Variants in TRAPPC9 observed in about 807,000 individuals in gnomAD.
TRAPPC9 encodes the protein trafficking protein particle complex subunit 9, also known as IKK2 binding protein.
A neutral mutation model predicts 124.0 loss-of-function variants in TRAPPC9; 83 were observed. The observed-to-expected ratio is 0.67, with a 90% CI of 0.56 to 0.80. TRAPPC9 has a LOEUF of 0.80. Among genes scored for constraint, TRAPPC9 ranks in the 30% least tolerant of loss-of-function variants. The pLI is 0.00. For missense variants in TRAPPC9, 1,302 were observed against 1,508.3 expected (o/e 0.86, Z 2.27); for synonymous variants, 638 against 617.5 (o/e 1.03, Z -0.49).
intron 21 of TRAPPC9, among the ~76,000 whole-genome samples, chr8:139,856,811 G>A (rs930061176): frequency 2.0e-5 from 3 of 151,764 alleles, no homozygotes; most frequent in African/African-American, 7.3e-5. Context: ...CAGTGAGGTG[G>A]AAGGAGAACG....
intron 15 of TRAPPC9, among the ~76,000 whole-genome samples, chr8:140,259,859 A>G (rs1456432394): frequency 6.6e-6 from 1 of 152,244 alleles, no homozygotes; most frequent in Non-Finnish European, 1.5e-5. Context: ...ACAGTGCATG[A>G]GGCAGAACAC....
intron 16 of TRAPPC9, chr8:140,238,625 A>C (rs959584455): frequency 6.6e-6 from 1 of 152,234 alleles, no homozygotes; most frequent in East Asian, 1.9e-4. Flanking sequence ...CACAAAACAA[A>C]AGTAGCGCAT....
intron 9 of TRAPPC9, among the ~76,000 whole-genome samples, chr8:140,342,801 A>C (rs1321944218): frequency 1.3e-5 from 2 of 152,250 alleles, no homozygotes. Context: ...AATACAAAAA[A>C]TCATGTCATT....
At chr8:139,970,070 G>A (rs1288309559) in intron 19 of TRAPPC9, among the ~76,000 whole-genome samples, 2 of 152,186 alleles carry the variant, frequency 1.3e-5, no homozygotes, top group Non-Finnish European at 2.9e-5. Context: ...AAACAGCCTG[G>A]TCATAAACCA....
At chr8:140,309,421 G>C (rs552465210) in intron 10 of TRAPPC9, among the ~76,000 whole-genome samples, 3 of 152,288 alleles carry the variant, frequency 2.0e-5, no homozygotes, top group South Asian at 2.1e-4. Context: ...TTAACTCCAG[G>C]GCTGCCTGGC....
chr8:139,795,919 A>G (rs2065008125), intron 21 of TRAPPC9, among the ~76,000 whole-genome samples: 1 of 152,156 alleles, frequency 6.6e-6, no homozygotes, highest in East Asian at 1.9e-4. Flanking sequence ...GAACAAACAC[A>G]ACACAGGAGA....
At chr8:140,032,601 T>C (rs1840566844) in intron 17 of TRAPPC9, among the ~76,000 whole-genome samples, 1 of 152,200 alleles carries the variant, frequency 6.6e-6, no homozygotes, top group South Asian at 2.1e-4. Context: ...CATTCCATGG[T>C]ACAGATATGC....
intron 17 of TRAPPC9, among the ~76,000 whole-genome samples, chr8:140,205,240 A>G (rs2062893264): frequency 6.6e-6 from 1 of 152,268 alleles, no homozygotes; most frequent in Admixed American, 6.5e-5. Flanking sequence ...AAGATTACCA[A>G]AAGCATGGAT....
intron 21 of TRAPPC9, among the ~76,000 whole-genome samples, chr8:139,877,066 G>T (rs1382670088): frequency 1.3e-5 from 2 of 152,206 alleles, no homozygotes. Context: ...GGATTTGCTT[G>T]GTGATTAGTT....
intron 21 of TRAPPC9, among the ~76,000 whole-genome samples, chr8:139,868,188 G>A (rs1273221338): frequency 6.6e-6 from 1 of 152,102 alleles, no homozygotes; most frequent in Non-Finnish European, 1.5e-5. Context: ...GTGAAACCCT[G>A]TTTCTACTAG....
chr8:140,439,678 G>A (rs1332860596), intron 2 of TRAPPC9, among the ~76,000 whole-genome samples: 1 of 152,202 alleles, frequency 6.6e-6, no homozygotes, highest in East Asian at 1.9e-4. Flanking sequence ...AAAGCTTCCA[G>A]AGAGCAGGGC....
At chr8:139,743,416 G>A (rs1818688278) in intron 21 of TRAPPC9, among the ~76,000 whole-genome samples, 3 of 152,172 alleles carry the variant, frequency 2.0e-5, no homozygotes, top group Admixed American at 6.5e-5. Flanking sequence ...ACAATGCAGT[G>A]GAAATACATG....
At chr8:140,093,269 G>A (rs1428941398) in intron 17 of TRAPPC9, among the ~76,000 whole-genome samples, 1 of 152,192 alleles carries the variant, frequency 6.6e-6, no homozygotes. Flanking sequence ...GTCCCTGTGA[G>A]GCTGGAGTTC....
chr8:140,337,152 C>T (rs569057276), intron 9 of TRAPPC9, among the ~76,000 whole-genome samples: 4 of 152,266 alleles, frequency 2.6e-5, no homozygotes, highest in East Asian at 1.9e-4. Flanking sequence ...AATCCCAGCT[C>T]GCACACGCAG....
In TRAPPC9 at chr8:140,275,704, T is replaced by C. The variant is rs996105441; in HGVS notation, c.2232A>G (p.Glu744=). 2 of 1,614,086 alleles carry C rather than the reference T, an allele frequency of 1.2e-6. No individual in the cohort carries two copies. The highest frequency in any genetic ancestry group is 2.7e-5 in the African/African-American group (2 of 74,940). ...LIIKLENIGM[E]PLEKLEVTSK... The stretch of plus-strand genomic sequence containing the variant: ...AGGTGACCTCCAGTTTCTCCAATGG[T>C]TCCATTCCAATATTTTCCAATTTAA... The change falls in exon 15 of 23, where the codon GAA becomes GAG. Residue 744 remains glutamate (E), a synonymous_variant. Transcript: ENST00000438773.
At chr8:140,017,884 C>T (rs576682096) in intron 18 of TRAPPC9, among the ~76,000 whole-genome samples, 4 of 152,228 alleles carry the variant, frequency 2.6e-5, no homozygotes, top group South Asian at 2.1e-4. Context: ...CGTTCTGTTG[C>T]CCAGGCTGGA....
chr8:139,983,059 A>C (rs1404704232), intron 19 of TRAPPC9, among the ~76,000 whole-genome samples: 1 of 152,230 alleles, frequency 6.6e-6, no homozygotes, highest in Admixed American at 6.5e-5. Flanking sequence ...GCAGGGCTTC[A>C]GGGAGGTGAT....
intron 21 of TRAPPC9, among the ~76,000 whole-genome samples, chr8:139,830,480 G>A (rs11985404): frequency 0.19 from 28,272 of 150,794 alleles, 4,467 homozygotes; most frequent in African/African-American, 0.41. Context: ...AAACACATGC[G>A]TACACAGATA....
At chr8:140,072,365 T>C (rs1843207054) in intron 17 of TRAPPC9, among the ~76,000 whole-genome samples, 1 of 152,120 alleles carries the variant, frequency 6.6e-6, no homozygotes. Flanking sequence ...ACCCTGTCTC[T>C]ACTAAAAATA....
Sources: allele counts gnomAD v4.1 joint callset (sites outside exome capture counted in the v4.1 genomes callset), GRCh38; gene constraint gnomAD v4.1.1; transcripts MANE v1.5; gene names NCBI Gene and HGNC (gene_info 2026-07-23, HGNC 2026-07-21).